FGGY: variants seen among roughly 807,000 people sequenced by gnomAD.
The protein encoded by FGGY is FGGY carbohydrate kinase domain containing.
In FGGY, 72 loss-of-function variants were observed where a neutral mutation model predicts 71.3. The observed-to-expected ratio is 1.01, with a 90% confidence interval of 0.84 to 1.23. FGGY has a LOEUF of 1.23. Among genes scored for constraint, FGGY ranks in the 50% most tolerant of loss-of-function variants. The pLI, the probability that FGGY is intolerant of heterozygous loss-of-function variation, is 0.00. For synonymous variants in FGGY, 251 were observed against 250.3 expected (o/e 1.00, Z -0.02); for missense variants, 668 against 682.3 (o/e 0.98, Z 0.23).
At chr1:59,592,164 G>A (rs1487956629) in intron 8 of FGGY, among the ~76,000 whole-genome samples, 2 of 151,458 alleles carry the variant, frequency 1.3e-5, no homozygotes, top group African/African-American at 4.8e-5. Context: ...CATTTATGCA[G>A]CAAAAAAACA....
chr1:59,375,716 T>G (rs1476861659), intron 4 of FGGY, among the ~76,000 whole-genome samples: 1 of 152,104 alleles, frequency 6.6e-6, no homozygotes, highest in Non-Finnish European at 1.5e-5. Flanking sequence ...ACGCAGGGAC[T>G]CCTTGCTCCT....
intron 14 of FGGY, among the ~76,000 whole-genome samples, chr1:59,712,636 C>G (rs1003264517): frequency 2.0e-5 from 3 of 152,194 alleles, no homozygotes; most frequent in Non-Finnish European, 2.9e-5. Context: ...AGGTTCAGCA[C>G]TACATGGAAG....
At chr1:59,440,952 C>T (rs565840105) in intron 5 of FGGY, among the ~76,000 whole-genome samples, 2 of 151,960 alleles carry the variant, frequency 1.3e-5, no homozygotes, top group Admixed American at 6.6e-5. Context: ...AACTTAAGTA[C>T]TCTATCCTGG....
At chr1:59,558,515 C>T (rs528059779) in intron 8 of FGGY, among the ~76,000 whole-genome samples, 1 of 152,208 alleles carries the variant, frequency 6.6e-6, no homozygotes, top group East Asian at 1.9e-4. Flanking sequence ...GGTGCAAGAA[C>T]AGGGAGTAGG....
At chr1:59,669,848 C>T (rs912310016) in intron 13 of FGGY, among the ~76,000 whole-genome samples, 22 of 152,326 alleles carry the variant, frequency 1.4e-4, no homozygotes, top group South Asian at 4.1e-4. Flanking sequence ...GCACTGACTC[C>T]GCGCTGCAGC....
chr1:59,585,533 A>G (rs2096270110), intron 8 of FGGY, among the ~76,000 whole-genome samples: 1 of 152,250 alleles, frequency 6.6e-6, no homozygotes, highest in Non-Finnish European at 1.5e-5. Context: ...AATGGATTAA[A>G]GACTTAAATG....
At chr1:59,401,027 G>A (rs1050659101) in intron 5 of FGGY, among the ~76,000 whole-genome samples, 3 of 152,068 alleles carry the variant, frequency 2.0e-5, no homozygotes, top group African/African-American at 7.2e-5. Context: ...TCTCATTTTA[G>A]TAGTATTTTG....
chr1:59,527,875 A>G (rs1340940863), intron 7 of FGGY, among the ~76,000 whole-genome samples: 1 of 152,210 alleles, frequency 6.6e-6, no homozygotes, highest in African/African-American at 2.4e-5. Flanking sequence ...TTAAACTTAG[A>G]ATGACTTATA....
At chr1:59,719,676 G>A (rs1433508583) in intron 14 of FGGY, among the ~76,000 whole-genome samples, 2 of 152,126 alleles carry the variant, frequency 1.3e-5, no homozygotes, top group Non-Finnish European at 2.9e-5. Flanking sequence ...TGCAAATATG[G>A]GATGTATAAT....
At chr1:59,384,042 TA>T (rs956177695) in intron 5 of FGGY, among the ~76,000 whole-genome samples, 1 of 152,184 alleles carries the variant, frequency 6.6e-6, no homozygotes, top group Non-Finnish European at 1.5e-5. Flanking sequence ...GGCGTCTTGT[TA>T]ACTTATCAGA....
chr1:59,310,457 A>G (rs2044113202), intron 1 of FGGY, among the ~76,000 whole-genome samples: 1 of 152,202 alleles, frequency 6.6e-6, no homozygotes, highest in East Asian at 1.9e-4. Context: ...TTAAATTTGC[A>G]TATCTTTTCC....
rs2060826708 is a variant in FGGY, at chr1:59,392,579, A to G, written c.554+13742A>G. The stretch of plus-strand genomic sequence containing the variant: ...AGCATCTCCTTTTGGATTCTCCTTT[A>G]AAACTCATTCCTTTGAAAGGAGATT... On this transcript the variant is annotated intron_variant, in intron 5 of 15. Coordinates refer to ENST00000303721, the MANE Select transcript of FGGY (RefSeq NM_018291.5). Among the ~76,000 whole-genome samples the G allele has an allele frequency of 2.6e-5, 4 of 152,176 alleles. 1 individual carries two copies. In the South Asian group the frequency reaches 8.3e-4, roughly 31 times the overall value.
intron 4 of FGGY, among the ~76,000 whole-genome samples, chr1:59,353,405 C>T (rs2053668541): frequency 6.6e-6 from 1 of 151,976 alleles, no homozygotes; most frequent in African/African-American, 2.4e-5. Context: ...TATGTTTTTT[C>T]CTGTTTTATT....
At chr1:59,589,999 G>A (rs2096397781) in intron 8 of FGGY, among the ~76,000 whole-genome samples, 2 of 152,042 alleles carry the variant, frequency 1.3e-5, no homozygotes, top group Admixed American at 6.6e-5. Context: ...GAATCTAGGA[G>A]CTGGTTTTTT....
chr1:59,576,574 T>C (rs2096078738), intron 8 of FGGY, among the ~76,000 whole-genome samples: 1 of 151,912 alleles, frequency 6.6e-6, no homozygotes, highest in South Asian at 2.1e-4. Context: ...AAATAATAAA[T>C]AAGCATTCTC....
At chr1:59,653,659 C>T (rs2153942989) in intron 11 of FGGY, among the ~76,000 whole-genome samples, 1 of 152,344 alleles carries the variant, frequency 6.6e-6, no homozygotes, top group East Asian at 1.9e-4. Flanking sequence ...GTCTGGGACT[C>T]CCTAGTGAGA....
chr1:59,557,235 G>A (rs2095704651), intron 8 of FGGY, among the ~76,000 whole-genome samples: 3 of 152,114 alleles, frequency 2.0e-5, no homozygotes, highest in Admixed American at 1.3e-4. Flanking sequence ...CAGAACACAG[G>A]GACCAAAGGG....
At chr1:59,635,728 G>T (rs2096952407) in intron 10 of FGGY, among the ~76,000 whole-genome samples, 5 of 152,158 alleles carry the variant, frequency 3.3e-5, no homozygotes. Flanking sequence ...AAAACCAGGA[G>T]GTTATCATAT....
At chr1:59,728,540 T>C (rs563745053) in intron 14 of FGGY, among the ~76,000 whole-genome samples, 43 of 152,184 alleles carry the variant, frequency 2.8e-4, no homozygotes, top group African/African-American at 9.9e-4. Context: ...ATTTTCCTTC[T>C]CTCTGAATAA....
Sources: gnomAD v4.1 joint callset for allele counts (sites outside exome capture counted in the v4.1 genomes callset) on GRCh38, gnomAD v4.1.1 for gene constraint, MANE v1.5 for transcripts, NCBI Gene and HGNC (gene_info 2026-07-23, HGNC 2026-07-21) for gene names.